The following SHLD1 variants were observed in gnomAD, a reference collection of about 807,000 sequenced individuals.
SHLD1 encodes the protein RINN1-REV7-interacting novel NHEJ regulator 3.
A neutral mutation model predicts 5.5 loss-of-function variants in SHLD1; 3 were observed. That is an observed-to-expected ratio of 0.54 (90% CI 0.25 to 1.40). SHLD1 has a LOEUF of 1.40. Ranked by LOEUF, SHLD1 falls within the 40% of genes most tolerant of loss-of-function variation. The pLI, the probability that SHLD1 is intolerant of heterozygous loss-of-function variation, is 0.15. For synonymous variants in SHLD1, 92 were observed against 94.3 expected, an observed-to-expected ratio of 0.98 and a Z score of 0.14; for missense variants, 210 against 244.4, an observed-to-expected ratio of 0.86 and a Z score of 0.94.
chr20:5,758,785 C>T (rs191272816), intron 1 of SHLD1, among the ~76,000 whole-genome samples: 84 of 151,892 alleles, frequency 5.5e-4, no homozygotes, highest in African/African-American at 1.2e-3. Flanking sequence ...GGTGGGAGGA[C>T]GCTTTGGGAA....
intron 2 of SHLD1, among the ~76,000 whole-genome samples, chr20:5,827,184 G>A (rs756707795): frequency 2.0e-4 from 30 of 152,216 alleles, no homozygotes; most frequent in African/African-American, 4.1e-4. Flanking sequence ...CCATGAGAGC[G>A]TGTGCTCGCA....
rs181230157 is a variant in SHLD1, at chr20:5,842,752, C to T, written c.179-20272C>T. Among the ~76,000 whole-genome samples, 517 of 152,212 alleles carry T rather than the reference C, an allele frequency of 3.4e-3. 4 individuals carry two copies. The highest frequency in any genetic ancestry group is 0.012 in the African/African-American group (495 of 41,530). Reference sequence around the variant, plus strand: ...TGATTTCTATTTTCTAATTATCTTTCCACTGGACTCTAGTCTTGTTTTACC... The same window carrying T: ...TGATTTCTATTTTCTAATTATCTTTTCACTGGACTCTAGTCTTGTTTTACC... On this transcript the variant is annotated intron_variant, in intron 2 of 2. Transcript: ENST00000303142.
intron 2 of SHLD1, among the ~76,000 whole-genome samples, chr20:5,810,070 A>C (rs2087437625): frequency 6.6e-6 from 1 of 151,984 alleles, no homozygotes; most frequent in Non-Finnish European, 1.5e-5. Context: ...CAGCCTGGCC[A>C]ACATGGTGAA....
intron 2 of SHLD1, among the ~76,000 whole-genome samples, chr20:5,821,444 G>A (rs1176420863): frequency 1.3e-5 from 2 of 152,120 alleles, no homozygotes; most frequent in South Asian, 2.1e-4. Context: ...ACCAGGAGGC[G>A]GAGGTTGCAG....
chr20:5,851,954 A>G (rs547621363), intron 2 of SHLD1, among the ~76,000 whole-genome samples: 1 of 152,076 alleles, frequency 6.6e-6, no homozygotes, highest in Middle Eastern at 3.4e-3. Flanking sequence ...TGTCCTCGAA[A>G]TAGTGAGTGA....
chr20:5,848,507 A>G (rs1372814413), intron 2 of SHLD1, among the ~76,000 whole-genome samples: 1 of 152,220 alleles, frequency 6.6e-6, no homozygotes, highest in Non-Finnish European at 1.5e-5. Flanking sequence ...GCTTTTGGTC[A>G]ATGTCAAAAC....
chr20:5,856,681 G>A (rs2122505361), intron 2 of SHLD1, among the ~76,000 whole-genome samples: 1 of 152,314 alleles, frequency 6.6e-6, no homozygotes, highest in African/African-American at 2.4e-5. Context: ...GATCATTGAT[G>A]ACCGGAACAT....
chr20:5,796,199 A>T (rs577925761), intron 2 of SHLD1, among the ~76,000 whole-genome samples: 2 of 152,324 alleles, frequency 1.3e-5, no homozygotes, highest in East Asian at 3.9e-4. Flanking sequence ...AATTTTAATC[A>T]GATCTTAGAG....
intron 2 of SHLD1, among the ~76,000 whole-genome samples, chr20:5,841,922 T>C (rs2087867431): frequency 6.6e-6 from 1 of 152,242 alleles, no homozygotes. Context: ...GTTAGGAAGA[T>C]AAAGTTACTT....
intron 2 of SHLD1, among the ~76,000 whole-genome samples, chr20:5,784,657 A>G (rs1008085606): frequency 1.2e-4 from 18 of 152,032 alleles, no homozygotes; most frequent in Middle Eastern, 3.4e-3. Flanking sequence ...TCACCGTGTT[A>G]GCCAGGTTGG....
intron 2 of SHLD1, among the ~76,000 whole-genome samples, chr20:5,852,518 G>A (rs2088025008): frequency 6.6e-6 from 1 of 151,752 alleles, no homozygotes; most frequent in Non-Finnish European, 1.5e-5. Flanking sequence ...AAGTGCAGTG[G>A]TGTGATCTGC....
chr20:5,750,346 T>A (rs1983652595), upstream of SHLD1: 1 of 151,990 alleles, frequency 6.6e-6, no homozygotes, highest in Non-Finnish European at 1.5e-5. Context: ...ATGGCTCCGG[T>A]GACTTCCTTC....
At chr20:5,823,132 C>T (rs903614277) in intron 2 of SHLD1, among the ~76,000 whole-genome samples, 7 of 151,798 alleles carry the variant, frequency 4.6e-5, no homozygotes, top group Non-Finnish European at 8.8e-5. Flanking sequence ...CACTGTTGAT[C>T]CCCCCCTTCC....
chr20:5,766,870 G>A (rs1364471399), intron 1 of SHLD1, among the ~76,000 whole-genome samples: 3 of 152,118 alleles, frequency 2.0e-5, no homozygotes, highest in Non-Finnish European at 4.4e-5. Context: ...CTCCCAAAGT[G>A]CTAGGATTAC....
At chr20:5,777,006 T>G (rs1985461620) in intron 2 of SHLD1, among the ~76,000 whole-genome samples, 1 of 152,058 alleles carries the variant, frequency 6.6e-6, no homozygotes. Context: ...TTTTTTCTTT[T>G]CAAGACAGAG....
intron 2 of SHLD1, among the ~76,000 whole-genome samples, chr20:5,827,175 C>G (rs904773056): frequency 6.6e-6 from 1 of 152,254 alleles, no homozygotes; most frequent in Non-Finnish European, 1.5e-5. Flanking sequence ...GGCCCGCCAC[C>G]ATGAGAGCGT....
chr20:5,854,925 T>C (rs1205486147), intron 2 of SHLD1, among the ~76,000 whole-genome samples: 3 of 147,202 alleles, frequency 2.0e-5, no homozygotes, highest in Non-Finnish European at 4.4e-5. Context: ...TGGAGTCCAG[T>C]GGCAGTGGCG....
At chr20:5,826,454 A>G (rs928877537) in intron 2 of SHLD1, among the ~76,000 whole-genome samples, 3 of 152,112 alleles carry the variant, frequency 2.0e-5, no homozygotes, top group Admixed American at 6.5e-5. Flanking sequence ...TCAAAAAAAA[A>G]AAAAAGAAAA....
chr20:5,802,231 C>A (rs2087303852), intron 2 of SHLD1, among the ~76,000 whole-genome samples: 1 of 148,052 alleles, frequency 6.8e-6, no homozygotes, highest in Admixed American at 6.8e-5. Context: ...CCTGACCCAG[C>A]CACCATGCTT....
Sources: allele counts gnomAD v4.1 joint callset (sites outside exome capture counted in the v4.1 genomes callset), GRCh38; gene constraint gnomAD v4.1.1; transcripts MANE v1.5; gene names NCBI Gene and HGNC (gene_info 2026-07-23, HGNC 2026-07-21).